The following EYA2 variants were observed in gnomAD, a reference collection of about 807,000 sequenced individuals.
EYA2 encodes protein phosphatase EYA2.
EYA2 carries 31 observed loss-of-function variants against 69.2 expected under a neutral mutation model. That is an observed-to-expected ratio of 0.45 (90% confidence interval 0.34 to 0.60). The LOEUF (loss-of-function observed/expected upper bound fraction) is 0.60. EYA2 is among the 20% of genes least tolerant of loss of function. The pLI is 0.02. For missense variants in EYA2, 622 were observed against 701.2 expected, an observed-to-expected ratio of 0.89 and a Z score of 1.28; for synonymous variants, 257 against 279.4, an observed-to-expected ratio of 0.92 and a Z score of 0.80.
intron 5 of EYA2, among the ~76,000 whole-genome samples, chr20:47,020,139 A>C (rs1218963857): frequency 4.5e-5 from 4 of 89,654 alleles, no homozygotes. Context: ...TGTCTCAAAA[A>C]AAGAAAAAAT....
At chr20:47,102,109 C>T (rs941532831) in intron 9 of EYA2, among the ~76,000 whole-genome samples, 1 of 152,232 alleles carries the variant, frequency 6.6e-6, no homozygotes, top group Non-Finnish European at 1.5e-5. Context: ...TTAGGTCATT[C>T]TGTATCTCTT....
At chr20:47,017,978 C>A (rs1983511323) in intron 5 of EYA2, among the ~76,000 whole-genome samples, 1 of 152,232 alleles carries the variant, frequency 6.6e-6, no homozygotes, top group South Asian at 2.1e-4. Flanking sequence ...TCCTCTGCTT[C>A]TGCTCTCACG....
chr20:46,978,559 G>A, intron 1 of EYA2: 1 of 534,820 alleles, frequency 1.9e-6, no homozygotes, highest in South Asian at 1.4e-5. Flanking sequence ...GGAGAAGCCA[G>A]ATCAAGGCTG....
At chr20:47,129,500 T>G (rs2033281354) in intron 9 of EYA2, among the ~76,000 whole-genome samples, 1 of 152,164 alleles carries the variant, frequency 6.6e-6, no homozygotes, top group Non-Finnish European at 1.5e-5. Flanking sequence ...TTTGGCAGAT[T>G]CAAGGCAGAG....
rs190142858 is a variant in EYA2, at chr20:46,973,705, C to T, written c.-10-16296C>T. ...AGTAATGGGTGCACAGAAGTTCATTCCACTATTCTGTCTGCTTTTGTATAT... is the reference window on the plus strand; with the variant it reads ...AGTAATGGGTGCACAGAAGTTCATTTCACTATTCTGTCTGCTTTTGTATAT... On this transcript the variant is annotated intron_variant, in intron 1 of 15. Transcript: ENST00000327619. Among the ~76,000 whole-genome samples, 111 of 152,058 alleles carry T rather than the reference C, an allele frequency of 7.3e-4. 2 individuals are homozygous for T. Among genetic ancestry groups the T allele is most frequent in the African/African-American group, 2.5e-3 (102 of 41,472 alleles).
At chr20:47,162,511 A>C (rs1417155796) in intron 10 of EYA2, among the ~76,000 whole-genome samples, 2 of 132,284 alleles carry the variant, frequency 1.5e-5, no homozygotes, top group Non-Finnish European at 3.1e-5. Flanking sequence ...ACATACACAC[A>C]TTATCCTTTT....
intron 5 of EYA2, among the ~76,000 whole-genome samples, chr20:47,020,406 A>G (rs1983681310): frequency 6.6e-6 from 1 of 152,234 alleles, no homozygotes; most frequent in Non-Finnish European, 1.5e-5. Context: ...GGAATATACA[A>G]TAAATGTAAA....
At chr20:46,922,016 T>G (rs1237544772) in intron 1 of EYA2, among the ~76,000 whole-genome samples, 1 of 152,204 alleles carries the variant, frequency 6.6e-6, no homozygotes, top group Non-Finnish European at 1.5e-5. Context: ...TCATGTCTAC[T>G]AGACACAGCA....
At chr20:46,927,118 G>A (rs1473345946) in intron 1 of EYA2, among the ~76,000 whole-genome samples, 4 of 152,196 alleles carry the variant, frequency 2.6e-5, no homozygotes, top group East Asian at 1.9e-4. Flanking sequence ...CGTGCTGGGC[G>A]TGTCTGCCCT....
At chr20:47,172,478 A>G (rs904961890) in intron 11 of EYA2, among the ~76,000 whole-genome samples, 6 of 152,142 alleles carry the variant, frequency 3.9e-5, no homozygotes, top group Non-Finnish European at 8.8e-5. Context: ...ATGAAAGGCA[A>G]ATGGATGTGG....
chr20:47,019,594 T>G (rs1265248294), intron 5 of EYA2, among the ~76,000 whole-genome samples: 5 of 152,140 alleles, frequency 3.3e-5, no homozygotes, highest in Non-Finnish European at 5.9e-5. Context: ...ATAAAGAAGA[T>G]TGAGGCTTAT....
intron 5 of EYA2, among the ~76,000 whole-genome samples, chr20:47,038,781 C>T (rs960458574): frequency 1.3e-5 from 2 of 152,082 alleles, no homozygotes; most frequent in Non-Finnish European, 2.9e-5. Context: ...GCACGTAGCC[C>T]CTGGCAGCCA....
intron 5 of EYA2, among the ~76,000 whole-genome samples, chr20:47,052,052 T>A (rs6063066): frequency 0.11 from 16,121 of 152,150 alleles, 1,127 homozygotes; most frequent in Middle Eastern, 0.18. Context: ...AGATACTCCT[T>A]TTTTTCCCCC....
intron 1 of EYA2, among the ~76,000 whole-genome samples, chr20:46,898,269 GTTGTTT>G (rs1219764882): frequency 7.5e-6 from 1 of 133,794 alleles, no homozygotes; most frequent in Non-Finnish European, 1.7e-5. Context: ...TTTTTTTTTG[GTTGTTT>G]TTGTTTTTGT....
At chr20:47,000,088 C>G (rs986695303) in intron 2 of EYA2, among the ~76,000 whole-genome samples, 4 of 152,170 alleles carry the variant, frequency 2.6e-5, no homozygotes, top group Non-Finnish European at 5.9e-5. Flanking sequence ...CTGTGTGGCC[C>G]TGGGTGAGTT....
intron 1 of EYA2, among the ~76,000 whole-genome samples, chr20:46,977,636 C>T (rs560259404): frequency 6.6e-6 from 1 of 152,328 alleles, no homozygotes; most frequent in South Asian, 2.1e-4. Context: ...AAATGATGGG[C>T]AGCCTGACTC....
intron 5 of EYA2, among the ~76,000 whole-genome samples, chr20:47,061,665 C>T (rs913949147): frequency 1.9e-4 from 29 of 152,292 alleles, no homozygotes; most frequent in Admixed American, 1.6e-3. Context: ...AAATATGGAA[C>T]TGAGAGAAAA....
At chr20:46,945,490 C>A (rs1163391199) in intron 1 of EYA2, among the ~76,000 whole-genome samples, 1 of 152,208 alleles carries the variant, frequency 6.6e-6, no homozygotes, top group South Asian at 2.1e-4. Context: ...CTATGGAGTT[C>A]CCACAGTTGC....
chr20:47,122,752 GT>G (rs1193236245), intron 9 of EYA2, among the ~76,000 whole-genome samples: 4 of 151,956 alleles, frequency 2.6e-5, no homozygotes, highest in African/African-American at 4.8e-5. Flanking sequence ...CCCCCAGCTT[GT>G]TTTTTTAAAT....
Sources: allele counts gnomAD v4.1 joint callset (sites outside exome capture counted in the v4.1 genomes callset), GRCh38; gene constraint gnomAD v4.1.1; transcripts MANE v1.5; gene names NCBI Gene and HGNC (gene_info 2026-07-23, HGNC 2026-07-21).